CUL3: variants seen among roughly 807,000 people sequenced by gnomAD.
CUL3 encodes the protein cullin 3, also known as cullin-3.
A neutral mutation model predicts 89.1 loss-of-function variants in CUL3; 19 were observed. The observed-to-expected ratio is 0.21, with a 90% confidence interval of 0.15 to 0.31. CUL3 has a LOEUF of 0.31. CUL3 is among the 10% of genes least tolerant of loss of function. The probability of loss-of-function intolerance (pLI) is 1.00; values close to 1 mark genes in which losing one functional copy is unlikely to be tolerated. For missense variants in CUL3, 469 were observed against 942.3 expected (o/e 0.50, Z 6.58); for synonymous variants, 351 against 308.4 (o/e 1.14, Z -1.45).
At chr2:224,569,095 T>C (rs1334082924) in intron 1 of CUL3, among the ~76,000 whole-genome samples, 1 of 150,584 alleles carries the variant, frequency 6.6e-6, no homozygotes. Context: ...TGTATTAATA[T>C]ATTTTTTAAA....
Position 224,585,102 on chromosome 2 carries a change from G to A in CUL3, c.-93C>T, listed in dbSNP as rs1695549694. 3 of 1,035,364 alleles carry A rather than the reference G, an allele frequency of 2.9e-6. No homozygotes were observed. Among genetic ancestry groups the A allele is most frequent in the South Asian group, 3.7e-5 (2 of 53,416 alleles). 64.1% of individuals were successfully genotyped at this position (1,035,364 alleles called of 1,614,324 possible). On this transcript the variant is annotated 5_prime_UTR_variant, in exon 1 of 16. Transcript: ENST00000264414. ...GGGCAGGCAGGCTAGGGGCGACGCT[G>A]GGGGCGGCGGCGGCGCGACCCCCGG...
intron 13 of CUL3, 121 bp downstream of exon 13, chr2:224,495,711 T>C (rs1057140169): frequency 1.5e-5 from 11 of 729,478 alleles, no homozygotes; most frequent in South Asian, 4.0e-5. Context: ...ATCCATTTTA[T>C]ACAGTTTTCT....
At chr2:224,494,984 A>G (rs796146298) in intron 13 of CUL3, 1 of 152,158 alleles carries the variant, frequency 6.6e-6, no homozygotes, top group African/African-American at 2.4e-5. Flanking sequence ...CAGAGCACAT[A>G]TATCTGACGA....
intron 3 of CUL3, among the ~76,000 whole-genome samples, chr2:224,530,326 TCTC>T (rs200008382): frequency 0.013 from 1,952 of 152,206 alleles, 22 homozygotes; most frequent in Middle Eastern, 0.024. Context: ...AAGTTTCTTC[TCTC>T]CTCCTGCTCT....
intron 6 of CUL3, among the ~76,000 whole-genome samples, chr2:224,509,006 C>T (rs1359606215): frequency 6.7e-6 from 1 of 150,134 alleles, no homozygotes; most frequent in Non-Finnish European, 1.5e-5. Flanking sequence ...ATAGTGCTAT[C>T]TGCATCTAAT....
intron 3 of CUL3, among the ~76,000 whole-genome samples, chr2:224,528,807 T>A (rs1693579630): frequency 6.6e-6 from 1 of 152,038 alleles, no homozygotes; most frequent in Non-Finnish European, 1.5e-5. Flanking sequence ...TTCCCTCTAA[T>A]CTCCTTTCAG....
chr2:224,555,069 T>C (rs1694652791), intron 2 of CUL3, among the ~76,000 whole-genome samples: 1 of 152,224 alleles, frequency 6.6e-6, no homozygotes. Flanking sequence ...TTTGAGTTCC[T>C]GCCCAAGCTC....
intron 6 of CUL3, 25 bp from the exon 7 acceptor site, chr2:224,507,028 G>T (rs1348893005): frequency 6.2e-7 from 1 of 1,600,142 alleles, no homozygotes. Context: ...ACACAAATTG[G>T]CTACATTAAA....
chr2:224,487,443 CAA>C (rs530054431), intron 13 of CUL3, among the ~76,000 whole-genome samples: 2,370 of 27,172 alleles, frequency 0.087, 47 homozygotes, highest in Non-Finnish European at 0.099. Context: ...CCGCCCCCCC[CAA>C]AAAAAAAAAA....
chr2:224,531,600 T>C (rs1386516749), intron 3 of CUL3, among the ~76,000 whole-genome samples: 1 of 152,154 alleles, frequency 6.6e-6, no homozygotes, highest in Non-Finnish European at 1.5e-5. Flanking sequence ...GAATAGTTGG[T>C]TAATGACTGT....
chr2:224,505,655 C>T (rs1692572717), intron 8 of CUL3: 1 of 172,954 alleles, frequency 5.8e-6, no homozygotes, highest in Admixed American at 6.3e-5. Flanking sequence ...AGGCTAATTT[C>T]AAACTCCTGG....
chr2:224,500,205 A>AG, intron 11 of CUL3, 158 bp downstream of exon 11: 2 of 742,242 alleles, frequency 2.7e-6, no homozygotes, highest in Non-Finnish European at 4.3e-6. Flanking sequence ...GATCCTATAG[A>AG]GGGGGAAATT....
chr2:224,563,204 C>G (rs747469193), intron 1 of CUL3: 1 of 470,292 alleles, frequency 2.1e-6, no homozygotes, highest in Non-Finnish European at 4.4e-6. Flanking sequence ...CTCAGTATAA[C>G]GTAGCTTTCT....
intron 2 of CUL3, among the ~76,000 whole-genome samples, chr2:224,547,186 T>C (rs1406364421): frequency 6.6e-6 from 1 of 152,124 alleles, no homozygotes; most frequent in Non-Finnish European, 1.5e-5. Context: ...TTCTAAGGAT[T>C]AAAAAGCAAT....
chr2:224,473,211 T>C lies in CUL3; in HGVS notation c.*1034A>G, dbSNP rs767009642. 5.1e-5 allele frequency: 10 copies of C among 194,366 alleles called. No homozygotes were observed. Among genetic ancestry groups the C allele is most frequent in the African/African-American group, 2.3e-4 (10 of 43,184 alleles). 12.0% of individuals were successfully genotyped at this position (194,366 alleles called of 1,614,324 possible). A position where few individuals can be genotyped will look rare whatever the true frequency, so the allele number is the denominator to read the frequency against. Reference sequence around the variant, plus strand: ...CATTAAAACTATCAAGGTCATCATATTTATTGCATCTTTAGATTGCATTTT... The same window carrying C: ...CATTAAAACTATCAAGGTCATCATACTTATTGCATCTTTAGATTGCATTTT... On this transcript the variant is annotated 3_prime_UTR_variant, in exon 16 of 16. Transcript: ENST00000264414.
chr2:224,531,347 C>T (rs1170370958), intron 3 of CUL3, among the ~76,000 whole-genome samples: 1 of 151,870 alleles, frequency 6.6e-6, no homozygotes, highest in Non-Finnish European at 1.5e-5. Context: ...CTAGGCCTCC[C>T]CAAGTACTGG....
At chr2:224,544,718 G>T (rs1694239045) in intron 2 of CUL3, among the ~76,000 whole-genome samples, 1 of 149,840 alleles carries the variant, frequency 6.7e-6, no homozygotes, top group Non-Finnish European at 1.5e-5. Context: ...ATACCACAGT[G>T]GTATGACACA....
At chr2:224,507,187 T>C (rs1233963925) in intron 6 of CUL3, among the ~76,000 whole-genome samples, 184 bp from the exon 7 acceptor site, 1 of 152,202 alleles carries the variant, frequency 6.6e-6, no homozygotes, top group Non-Finnish European at 1.5e-5. Flanking sequence ...TTAATGGTTA[T>C]TATTGTAATT....
intron 13 of CUL3, among the ~76,000 whole-genome samples, chr2:224,493,401 C>T (rs940317): frequency 0.75 from 113,384 of 152,124 alleles, 42,827 homozygotes; most frequent in African/African-American, 0.89. Flanking sequence ...TGAGTAAAGA[C>T]ACATTTCTTG....
Sources: gnomAD v4.1 joint callset for allele counts (sites outside exome capture counted in the v4.1 genomes callset) on GRCh38, gnomAD v4.1.1 for gene constraint, MANE v1.5 for transcripts, NCBI Gene and HGNC (gene_info 2026-07-23, HGNC 2026-07-21) for gene names.